The following PDGFC variants were observed in gnomAD, a reference collection of about 807,000 sequenced individuals.
PDGFC encodes the protein platelet-derived growth factor C.
Under a neutral mutation model 35.5 loss-of-function variants are expected in PDGFC, and 12 were observed. The ratio of observed to expected loss-of-function variants is 0.34; its 90% CI spans 0.22 to 0.55. The LOEUF (loss-of-function observed/expected upper bound fraction) is 0.55. Among genes scored for constraint, PDGFC ranks in the 20% least tolerant of loss-of-function variants. The probability of loss-of-function intolerance (pLI) is 0.91; values close to 1 mark genes in which losing one functional copy is unlikely to be tolerated. For missense variants in PDGFC, 322 were observed against 412.4 expected (o/e 0.78, Z 1.90); for synonymous variants, 159 against 148.8 (o/e 1.07, Z -0.50).
rs150598481 is a variant in PDGFC at position 156,933,734 on chromosome 4, A to G, written c.118+37052T>C. On this transcript the variant is annotated intron_variant, in intron 1 of 5. Coordinates refer to ENST00000502773, the MANE Select transcript of PDGFC (RefSeq NM_016205.3). ...TGGGAGGTGACTGGATCATAAGAGC[A>G]TTTTCCCTCATGTTGTTCTTGTGAT... is the stretch of plus-strand genomic sequence containing the variant. Among the ~76,000 whole-genome samples, 112 of 151,866 alleles carry G rather than the reference A, an allele frequency of 7.4e-4. 1 individual carries two copies. Among genetic ancestry groups the G allele is most frequent in the African/African-American group, 2.5e-3 (102 of 41,406 alleles).
rs1732589469 is a variant in PDGFC, at chr4:156,971,379, A to G, written c.-476T>C. 2.6e-6 allele frequency: 1 copy of G among 384,940 alleles called. No individual in the cohort carries two copies. Among genetic ancestry groups the G allele is most frequent in the Admixed American group, 4.5e-5 (1 of 22,174 alleles). The allele number at this position is 384,940 out of a possible 1,614,324, so 23.8% of individuals were successfully genotyped here. A position where few individuals can be genotyped will look rare whatever the true frequency, so the allele number is the denominator to read the frequency against. Reference sequence around the variant, plus strand: ...TGATCAATAACAAAGCTGCCAATAGATGCGGCTCTCCGGGCGCCCCTCTCC... The same window carrying G: ...TGATCAATAACAAAGCTGCCAATAGGTGCGGCTCTCCGGGCGCCCCTCTCC... On this transcript the variant is annotated 5_prime_UTR_variant, in exon 1 of 6. Transcript: ENST00000502773.
intron 1 of PDGFC, among the ~76,000 whole-genome samples, chr4:156,896,424 A>C (rs1730634737): frequency 6.6e-6 from 1 of 152,150 alleles, no homozygotes. Context: ...GGAATATAGG[A>C]GTTTTACATG....
intron 1 of PDGFC, among the ~76,000 whole-genome samples, chr4:156,866,088 T>C (rs1056396126): frequency 6.6e-6 from 1 of 152,160 alleles, no homozygotes; most frequent in Non-Finnish European, 1.5e-5. Context: ...GTATATCTCC[T>C]AAGGCTATCC....
At chr4:156,902,004 C>A (rs1730800903) in intron 1 of PDGFC, among the ~76,000 whole-genome samples, 1 of 152,176 alleles carries the variant, frequency 6.6e-6, no homozygotes, top group Non-Finnish European at 1.5e-5. Context: ...AGAAATCTGA[C>A]ATTCAGAGGA....
intron 1 of PDGFC, among the ~76,000 whole-genome samples, chr4:156,872,412 T>C (rs1013014763): frequency 1.3e-5 from 2 of 152,186 alleles, no homozygotes; most frequent in Non-Finnish European, 2.9e-5. Context: ...TGGTATTGCT[T>C]TGATGCACTC....
chr4:156,893,488 T>TTTTTA lies in PDGFC; in HGVS notation c.119-43077_119-43073dup, dbSNP rs768179667. Among the ~76,000 whole-genome samples the TTTTTA allele has an allele frequency of 8.0e-4, 121 of 152,062 alleles. 1 individual carries two copies. In the East Asian group the frequency reaches 0.02, roughly 25 times the overall value. On this transcript the variant is annotated intron_variant, in intron 1 of 5. Transcript: ENST00000502773. ...ACTATAGGTGCATGATTTTTTAAGT[T>TTTTTA]TTTTATTTTATTTTATTTTATTTTG...
chr4:156,937,067 G>A (rs982153819), intron 1 of PDGFC, among the ~76,000 whole-genome samples: 1 of 152,142 alleles, frequency 6.6e-6, no homozygotes, highest in Admixed American at 6.5e-5. Context: ...AGCACTGCAC[G>A]CATATGGACA....
chr4:156,882,856 A>G (rs1412380468), intron 1 of PDGFC, among the ~76,000 whole-genome samples: 1 of 152,102 alleles, frequency 6.6e-6, no homozygotes, highest in African/African-American at 2.4e-5. Flanking sequence ...AGGCCAAGGC[A>G]GGCAGATCAT....
intron 2 of PDGFC, among the ~76,000 whole-genome samples, chr4:156,836,956 T>C (rs976058648): frequency 6.6e-6 from 1 of 152,138 alleles, no homozygotes; most frequent in Non-Finnish European, 1.5e-5. Context: ...TATTTAAAGA[T>C]TGGCTTCTTT....
chr4:156,778,187 G>C (rs1425345182), intron 3 of PDGFC: 2 of 391,914 alleles, frequency 5.1e-6, no homozygotes, highest in Middle Eastern at 4.2e-4. Flanking sequence ...AACAAAACAA[G>C]AGAAAATGCT....
chr4:156,769,033 C>A (rs922740080), intron 4 of PDGFC, among the ~76,000 whole-genome samples: 1 of 151,714 alleles, frequency 6.6e-6, no homozygotes, highest in African/African-American at 2.4e-5. Flanking sequence ...TAGAAATATT[C>A]AAATAAAGCA....
chr4:156,832,836 G>C (rs762222659), intron 2 of PDGFC, among the ~76,000 whole-genome samples: 8 of 152,160 alleles, frequency 5.3e-5, no homozygotes, highest in Non-Finnish European at 1.2e-4. Flanking sequence ...AGTATATGCG[G>C]ATTTGGGTGT....
At chr4:156,912,105 G>A (rs1486338568) in intron 1 of PDGFC, among the ~76,000 whole-genome samples, 1 of 152,116 alleles carries the variant, frequency 6.6e-6, no homozygotes, top group Non-Finnish European at 1.5e-5. Context: ...GAACTTACAC[G>A]ATGATTTTTT....
chr4:156,961,677 T>C (rs1732346778), intron 1 of PDGFC, among the ~76,000 whole-genome samples: 1 of 152,150 alleles, frequency 6.6e-6, no homozygotes, highest in South Asian at 2.1e-4. Flanking sequence ...CAATTAATTT[T>C]CCACAAACTT....
At chr4:156,935,673 A>G (rs1560880748) in intron 1 of PDGFC, among the ~76,000 whole-genome samples, 2 of 152,232 alleles carry the variant, frequency 1.3e-5, no homozygotes, top group Admixed American at 6.5e-5. Flanking sequence ...AAACACACAT[A>G]AAATAAGGTT....
chr4:156,784,029 A>G (rs1579006045), intron 3 of PDGFC, among the ~76,000 whole-genome samples: 1 of 152,312 alleles, frequency 6.6e-6, no homozygotes, highest in South Asian at 2.1e-4. Context: ...GGAAAAGTTC[A>G]GGTTGGGTCA....
At chr4:156,783,537 T>A (rs905556123) in intron 3 of PDGFC, among the ~76,000 whole-genome samples, 3 of 152,098 alleles carry the variant, frequency 2.0e-5, no homozygotes, top group Non-Finnish European at 2.9e-5. Context: ...CACTACCCAC[T>A]AATAAAGACT....
At chr4:156,916,182 C>T (rs990261426) in intron 1 of PDGFC, among the ~76,000 whole-genome samples, 1 of 151,998 alleles carries the variant, frequency 6.6e-6, no homozygotes, top group Non-Finnish European at 1.5e-5. Flanking sequence ...GTTCTTACCC[C>T]AAGGCACAGA....
intron 1 of PDGFC, among the ~76,000 whole-genome samples, chr4:156,946,248 T>C (rs1731944770): frequency 6.6e-6 from 1 of 152,008 alleles, no homozygotes; most frequent in South Asian, 2.1e-4. Context: ...AAATATTTCT[T>C]TATCTACCAC....
Sources: gnomAD v4.1 joint callset for allele counts (sites outside exome capture counted in the v4.1 genomes callset) on GRCh38, gnomAD v4.1.1 for gene constraint, MANE v1.5 for transcripts, NCBI Gene and HGNC (gene_info 2026-07-23, HGNC 2026-07-21) for gene names.